Variants in PECR observed in about 807,000 individuals in gnomAD.
The protein encoded by PECR is peroxisomal trans-2-enoyl-CoA reductase.
In PECR, 30 loss-of-function variants were observed where a neutral mutation model predicts 35.3. The ratio of observed to expected loss-of-function variants is 0.85; its 90% CI spans 0.64 to 1.15. PECR has a LOEUF of 1.15. Ranked by LOEUF, PECR falls within the 50% of genes most tolerant of loss-of-function variation. The pLI is 0.00. For missense variants in PECR, 392 were observed against 370.8 expected, an observed-to-expected ratio of 1.06 and a Z score of -0.47; for synonymous variants, 148 against 138.9, an observed-to-expected ratio of 1.07 and a Z score of -0.46.
At position 216,058,226 on chromosome 2, in the gene PECR, AT is replaced by A. The variant is rs572421876; in HGVS notation, c.506+668del. Among the ~76,000 whole-genome samples, 547 of 152,254 alleles carry A rather than the reference AT, an allele frequency of 3.6e-3. 9 individuals carry two copies. The highest frequency in any genetic ancestry group is 0.013 in the African/African-American group (533 of 41,518). On this transcript the variant is annotated intron_variant, in intron 4 of 7. Coordinates refer to ENST00000265322, the MANE Select transcript of PECR (RefSeq NM_018441.6). ...CTGTGCTAACAACTTCTCCCAAGTGATGGGGATGTGGCTGGTCTGGAAGCCA... is the reference window on the plus strand; with the variant it reads ...CTGTGCTAACAACTTCTCCCAAGTGAGGGGATGTGGCTGGTCTGGAAGCCA...
rs572018394 is a variant in PECR, at chr2:216,053,596, T to C, written c.507-2051A>G. On this transcript the variant is annotated intron_variant, in intron 4 of 7. Coordinates refer to ENST00000265322, the MANE Select transcript of PECR (RefSeq NM_018441.6). ...CATATACTACCTGGTTTAGCATCCCTAATCTGAAAATCCAAAATCTGAAAT... is the reference window on the plus strand; with the variant it reads ...CATATACTACCTGGTTTAGCATCCCCAATCTGAAAATCCAAAATCTGAAAT... Among the ~76,000 whole-genome samples the C allele has an allele frequency of 2.0e-5, 3 of 152,282 alleles. 1 individual carries two copies. The highest frequency in any genetic ancestry group is 7.2e-5 in the African/African-American group (3 of 41,554).
chr2:216,029,544 T>C lies in PECR; in HGVS notation c.*440+9647A>G, dbSNP rs574488758. ...ATGATAAACACAAGGCAGAAGGTGC[T>C]TATGCACCTCCCCCTGCCTCCAGGC... On this transcript the variant is annotated intron_variant and NMD_transcript_variant, in intron 7 of 7. Transcript: ENST00000442122. 3.3e-5 allele frequency among the ~76,000 whole-genome samples: 5 copies of C among 152,296 alleles called. No individual in the cohort carries two copies. In the South Asian group the frequency reaches 1.0e-3, roughly 32 times the overall value.
At chr2:216,030,461 T>A (rs1425647259) in intron 7 of PECR, among the ~76,000 whole-genome samples, 1 of 152,170 alleles carries the variant, frequency 6.6e-6, no homozygotes, top group Non-Finnish European at 1.5e-5. Context: ...AAGGCTAAAA[T>A]GAGATAATGC....
chr2:216,036,956 C>T (rs1311621259), downstream of PECR, among the ~76,000 whole-genome samples: 3 of 152,060 alleles, frequency 2.0e-5, no homozygotes, highest in Non-Finnish European at 4.4e-5. Context: ...AGTTATATGC[C>T]GTGGACATCA....
chr2:216,058,763 T>C (rs900211883), intron 4 of PECR, 132 bp downstream of exon 4: 8 of 627,958 alleles, frequency 1.3e-5, no homozygotes, highest in Middle Eastern at 3.6e-4. Flanking sequence ...TAAAATAAAA[T>C]GTTAACTGTT....
chr2:216,080,040 A>G (rs1574712224), intron 1 of PECR, among the ~76,000 whole-genome samples: 1 of 151,974 alleles, frequency 6.6e-6, no homozygotes. Flanking sequence ...ACTTTTCCCA[A>G]TAATATGGTA....
intron 1 of PECR, among the ~76,000 whole-genome samples, chr2:216,076,527 C>T (rs1220550208): frequency 6.6e-6 from 1 of 152,216 alleles, no homozygotes; most frequent in Non-Finnish European, 1.5e-5. Flanking sequence ...GTTCCTGGTG[C>T]AGTGGCTCAC....
chr2:216,035,470 G>A (rs1694778323), downstream of PECR, among the ~76,000 whole-genome samples: 1 of 150,982 alleles, frequency 6.6e-6, no homozygotes, highest in South Asian at 2.1e-4. Context: ...AGCCCCAGGG[G>A]TGCTATGGAG....
intron 1 of PECR, among the ~76,000 whole-genome samples, chr2:216,079,552 G>C (rs1348534433): frequency 6.6e-6 from 1 of 151,518 alleles, no homozygotes; most frequent in Non-Finnish European, 1.5e-5. Flanking sequence ...ATTCTTAGTA[G>C]AGACGAGGTT....
At chr2:216,066,169 C>T (rs1695461998) in intron 2 of PECR, among the ~76,000 whole-genome samples, 2 of 152,126 alleles carry the variant, frequency 1.3e-5, no homozygotes, top group South Asian at 2.1e-4. Context: ...AAAAGGCCAT[C>T]TTTAGCTGGA....
In PECR at chr2:216,064,558, T is replaced by C. The variant is rs900072264; in HGVS notation, c.424+754A>G. ...GATTATGAAACTACCATATAATCCT[T>C]ACACTACCTACCTGGACTTTTTATG... On this transcript the variant is annotated intron_variant, in intron 3 of 7. Coordinates refer to ENST00000265322, the MANE Select transcript of PECR (RefSeq NM_018441.6). Among the ~76,000 whole-genome samples, 7 of 152,224 alleles carry C rather than the reference T, an allele frequency of 4.6e-5. No individual in the cohort carries two copies. In the East Asian group the frequency reaches 1.3e-3, roughly 29 times the overall value.
intron 5 of PECR, among the ~76,000 whole-genome samples, chr2:216,050,568 T>A (rs934195002): frequency 6.6e-6 from 1 of 152,174 alleles, no homozygotes; most frequent in Non-Finnish European, 1.5e-5. Flanking sequence ...ATAGTCTTCA[T>A]TGAGTGGCAC....
intron 3 of PECR, 41 bp from the exon 4 acceptor site, chr2:216,059,017 T>C: frequency 1.6e-6 from 2 of 1,214,476 alleles, no homozygotes; most frequent in Non-Finnish European, 2.4e-6. Flanking sequence ...ATTTTTAAAG[T>C]ATCCTGGCCC....
In PECR at chr2:216,081,611, C is replaced by G. The variant is rs539067577; in HGVS notation, c.124+7G>C. On this transcript the variant is annotated splice_region_variant and intron_variant, in intron 1 of 7. Transcript: ENST00000265322. ...CACCTCTCTGCACCAGCGGCCCGCT[C>G]ACGTACCCAGCTCCAGGAGCTCCTT... 1 of 1,613,764 alleles carries G rather than the reference C, an allele frequency of 6.2e-7. No homozygotes were observed.
chr2:216,080,257 G>C (rs181394426), intron 1 of PECR, among the ~76,000 whole-genome samples: 283 of 152,062 alleles, frequency 1.9e-3, no homozygotes, highest in African/African-American at 6.7e-3. Context: ...TGTATTTTTA[G>C]TAGAAATGGA....
At chr2:216,079,114 T>C (rs1012293876) in intron 1 of PECR, among the ~76,000 whole-genome samples, 1 of 151,596 alleles carries the variant, frequency 6.6e-6, no homozygotes, top group Non-Finnish European at 1.5e-5. Context: ...GTAATGGTGA[T>C]GAGGTTACAT....
At chr2:216,031,472 A>T (rs1694694563) in intron 7 of PECR, among the ~76,000 whole-genome samples, 1 of 126,960 alleles carries the variant, frequency 7.9e-6, no homozygotes, top group African/African-American at 3.0e-5. Context: ...AGAAAGAAAG[A>T]AAGAGAAAGA....
intron 1 of PECR, among the ~76,000 whole-genome samples, chr2:216,072,196 CCACT>C (rs909937957): frequency 2.0e-5 from 3 of 152,150 alleles, no homozygotes; most frequent in African/African-American, 2.4e-5. Context: ...ACAGTCTGCT[CCACT>C]CACTGTCATC....
rs372783369 is a variant in PECR at position 216,039,299 on chromosome 2, G to A, written c.888C>T (p.Thr296=). The change falls in exon 8 of 8, where the codon ACC becomes ACT. Residue 296 remains threonine (T), a synonymous_variant. Coordinates refer to ENST00000265322, the MANE Select transcript of PECR (RefSeq NM_018441.6). The part of the protein sequence containing the change: ...DLSVVKKMKE[T]FKEKAKL Reference sequence around the variant, plus strand: ...CTCAGAGCTTAGCTTTCTCCTTAAAGGTCTCCTTCATCTTTTTGACAACAG... The same window carrying A: ...CTCAGAGCTTAGCTTTCTCCTTAAAAGTCTCCTTCATCTTTTTGACAACAG... 7 of 1,605,158 alleles carry A rather than the reference G, an allele frequency of 4.4e-6. No homozygotes were observed. Among genetic ancestry groups the A allele is most frequent in the Non-Finnish European group, 6.0e-6 (7 of 1,171,886 alleles).
Sources: allele counts gnomAD v4.1 joint callset (sites outside exome capture counted in the v4.1 genomes callset), GRCh38; gene constraint gnomAD v4.1.1; transcripts MANE v1.5; gene names NCBI Gene and HGNC (gene_info 2026-07-23, HGNC 2026-07-21).